DOCK4: variants seen among roughly 807,000 people sequenced by gnomAD.
The protein encoded by DOCK4 is dedicator of cytokinesis protein 4.
In DOCK4, 97 loss-of-function variants were observed where a neutral mutation model predicts 268.1. The ratio of observed to expected loss-of-function variants is 0.36; its 90% CI spans 0.31 to 0.43. The LOEUF is 0.43. Ranked by LOEUF, DOCK4 falls within the 20% of genes least tolerant of loss-of-function variation. The probability of loss-of-function intolerance (pLI) is 1.00; values close to 1 mark genes in which losing one functional copy is unlikely to be tolerated. For missense variants in DOCK4, 2,145 were observed against 2,455.7 expected, an observed-to-expected ratio of 0.87 and a Z score of 2.67; for synonymous variants, 954 against 887.2, an observed-to-expected ratio of 1.08 and a Z score of -1.34.
At chr7:112,152,730 C>T (rs1033511833) in intron 1 of DOCK4, among the ~76,000 whole-genome samples, 1 of 152,080 alleles carries the variant, frequency 6.6e-6, no homozygotes, top group African/African-American at 2.4e-5. Flanking sequence ...AAGTAATCCT[C>T]CTGCCTCAGC....
intron 25 of DOCK4, among the ~76,000 whole-genome samples, chr7:111,836,644 G>C (rs929951494): frequency 3.9e-5 from 6 of 152,140 alleles, no homozygotes; most frequent in Non-Finnish European, 7.4e-5. Flanking sequence ...CAGGAAGCTA[G>C]AGGAAAGACT....
At chr7:112,120,805 G>T (rs937395288) in intron 1 of DOCK4, among the ~76,000 whole-genome samples, 2 of 152,158 alleles carry the variant, frequency 1.3e-5, no homozygotes, top group African/African-American at 4.8e-5. Flanking sequence ...CCATGATCTT[G>T]TGAGCTTCTT....
Position 111,900,541 on chromosome 7 carries a change from C to G in DOCK4, c.1318-5G>C. ...AGAGCCGAAGGAGATAAAATCCTAA[C>G]AAAGGGAAGAACACACAGGTTAAAG... On this transcript the variant is annotated splice_polypyrimidine_tract_variant and splice_region_variant and intron_variant, in intron 14 of 52. Transcript: ENST00000428084. 4.4e-6 allele frequency: 7 copies of G among 1,608,236 alleles called. No homozygotes were observed. The highest frequency in any genetic ancestry group is 5.1e-6 in the Non-Finnish European group (6 of 1,177,448).
Position 111,742,100 on chromosome 7 carries a change from A to G in DOCK4, c.4710T>C (p.His1570=). ...TCATATCTTGAGGTACAAACTTCTC[A>G]TGCACGGCCAAACCAAATTCCAGAA... The part of the protein sequence containing the change: ...AQILEFGLAV[H]EKFVPQDMRP... The change falls in exon 45 of 53, where the codon CAT becomes CAC. Residue 1570 remains histidine (H), a synonymous_variant. Transcript: ENST00000428084. 6.3e-7 allele frequency: 1 copy of G among 1,599,904 alleles called. No homozygotes were observed. Among genetic ancestry groups the G allele is most frequent in the Non-Finnish European group, 8.5e-7 (1 of 1,175,008 alleles).
At chr7:111,947,366 C>T (rs1255969786) in intron 8 of DOCK4, among the ~76,000 whole-genome samples, 1 of 152,182 alleles carries the variant, frequency 6.6e-6, no homozygotes, top group African/African-American at 2.4e-5. Context: ...GAATCAACTA[C>T]CTGGCTTATC....
chr7:112,074,289 A>G (rs1807864556), intron 1 of DOCK4, among the ~76,000 whole-genome samples: 1 of 152,230 alleles, frequency 6.6e-6, no homozygotes, highest in African/African-American at 2.4e-5. Context: ...TCCACAGGTT[A>G]GATTTTTTAC....
chr7:112,115,790 T>C (rs995914357), intron 1 of DOCK4, among the ~76,000 whole-genome samples: 2 of 152,206 alleles, frequency 1.3e-5, no homozygotes, highest in African/African-American at 4.8e-5. Context: ...CAAGTGATCC[T>C]CCTGCCTCAG....
intron 1 of DOCK4, among the ~76,000 whole-genome samples, chr7:112,106,856 A>C (rs976266122): frequency 2.0e-5 from 3 of 152,196 alleles, no homozygotes; most frequent in African/African-American, 7.2e-5. Context: ...GCAAAAGAAC[A>C]ATGAGTATCA....
intron 1 of DOCK4, among the ~76,000 whole-genome samples, chr7:112,145,195 T>C (rs956040260): frequency 3.9e-5 from 6 of 152,082 alleles, no homozygotes; most frequent in East Asian, 1.9e-4. Flanking sequence ...AAAAAGCAAA[T>C]GTGAATCAAA....
Position 111,741,569 on chromosome 7 carries a change from T to C in DOCK4, c.4890A>G (p.Pro1630=), listed in dbSNP as rs752171917. ...GTCTAGGAATTACCCTGGTACCATC[T>C]GGGCTCACAGAAGCAGGTGCTGAGT... ...CRNSAPASVS[P]DGTRVIPRRS... is the part of the protein sequence containing the mutation. Residue 1630 remains proline (P), a synonymous_variant, in exon 46 of 53, where the codon CCA becomes CCG. Transcript: ENST00000428084. 1.9e-6 allele frequency: 3 copies of C among 1,613,570 alleles called. No homozygotes were observed. The Admixed American group carries it at 5.0e-5, about 27-fold the overall frequency.
chr7:111,998,476 A>G lies in DOCK4; in HGVS notation c.190T>C (p.Leu64=), dbSNP rs1369585764. The change falls in exon 4 of 53, where the codon TTG becomes CTG. Residue 64 remains leucine (L), a synonymous_variant. Coordinates refer to ENST00000428084, the MANE Select transcript of DOCK4 (RefSeq NM_001363540.2). ...KGIFPSSYVH[L]KNACVKNKGQ... ...TTGTTCTTTACACAGGCATTTTTCA[A>G]GTGAACGTAGCTGGAAGGAAATATA... 6.3e-7 allele frequency: 1 copy of G among 1,591,772 alleles called. No individual in the cohort carries two copies. The highest frequency in any genetic ancestry group is 2.2e-5 in the East Asian group (1 of 44,514).
intron 1 of DOCK4, among the ~76,000 whole-genome samples, chr7:112,146,330 G>A (rs185293151): frequency 6.6e-6 from 1 of 152,278 alleles, no homozygotes; most frequent in Admixed American, 6.5e-5. Context: ...TCTTTAACAA[G>A]TTGGCAAAAC....
chr7:111,931,248 G>A (rs1216709534), intron 12 of DOCK4, among the ~76,000 whole-genome samples: 1 of 152,296 alleles, frequency 6.6e-6, no homozygotes. Flanking sequence ...GCCAGAGGAA[G>A]GGGAAACCTT....
At chr7:111,840,436 A>G (rs1803590799) in intron 25 of DOCK4, among the ~76,000 whole-genome samples, 1 of 152,214 alleles carries the variant, frequency 6.6e-6, no homozygotes, top group African/African-American at 2.4e-5. Context: ...TTAGTCGAGA[A>G]TGCAAGGCAA....
chr7:111,915,150 G>C (rs974061932), intron 13 of DOCK4, among the ~76,000 whole-genome samples: 1 of 152,170 alleles, frequency 6.6e-6, no homozygotes, highest in Non-Finnish European at 1.5e-5. Context: ...TTCGTGGAGA[G>C]ATTACGACTG....
chr7:112,141,900 AC>A (rs1482508281), intron 1 of DOCK4, among the ~76,000 whole-genome samples: 2 of 152,200 alleles, frequency 1.3e-5, no homozygotes, highest in Non-Finnish European at 2.9e-5. Flanking sequence ...GGCCAGTGCT[AC>A]TAAATGCTCC....
chr7:112,117,226 T>C (rs1812256086), intron 1 of DOCK4, among the ~76,000 whole-genome samples: 1 of 152,212 alleles, frequency 6.6e-6, no homozygotes, highest in Non-Finnish European at 1.5e-5. Flanking sequence ...GCTGCAGCCC[T>C]CTAAAGCCCT....
intron 1 of DOCK4, among the ~76,000 whole-genome samples, chr7:112,080,786 T>C (rs547537367): frequency 2.1e-4 from 32 of 152,334 alleles, no homozygotes; most frequent in Admixed American, 8.5e-4. Flanking sequence ...AAACATCTTA[T>C]GTCATTTTCC....
At chr7:112,193,437 A>C (rs1297928612) in intron 1 of DOCK4, among the ~76,000 whole-genome samples, 1 of 151,948 alleles carries the variant, frequency 6.6e-6, no homozygotes, top group African/African-American at 2.4e-5. Context: ...TTCTACAAAA[A>C]ATGAAAATAA....
Sources: gnomAD v4.1 joint callset for allele counts (sites outside exome capture counted in the v4.1 genomes callset) on GRCh38, gnomAD v4.1.1 for gene constraint, MANE v1.5 for transcripts, NCBI Gene and HGNC (gene_info 2026-07-23, HGNC 2026-07-21) for gene names.